The following PDE4D variants were observed in gnomAD, a reference collection of about 807,000 sequenced individuals.
PDE4D encodes 3',5'-cyclic-AMP phosphodiesterase 4D.
In PDE4D, 24 loss-of-function variants were observed where a neutral mutation model predicts 87.4. The observed-to-expected ratio is 0.27, with a 90% confidence interval of 0.20 to 0.39. PDE4D has a LOEUF of 0.39. PDE4D is among the 10% of genes least tolerant of loss of function. The probability of loss-of-function intolerance (pLI) is 1.00; values close to 1 mark genes in which losing one functional copy is unlikely to be tolerated. For synonymous variants in PDE4D, 384 were observed against 383.2 expected, an observed-to-expected ratio of 1.00 and a Z score of -0.02; for missense variants, 714 against 1,041.0, an observed-to-expected ratio of 0.69 and a Z score of 4.32.
chr5:59,334,316 T>C (rs1447198600), intron 1 of PDE4D, among the ~76,000 whole-genome samples: 1 of 139,544 alleles, frequency 7.2e-6, no homozygotes, highest in Non-Finnish European at 1.5e-5. Flanking sequence ...TGGAGTGCAA[T>C]GGCATGATCT....
intron 5 of PDE4D, among the ~76,000 whole-genome samples, chr5:59,061,863 A>G (rs1318667527): frequency 6.6e-6 from 1 of 152,130 alleles, no homozygotes; most frequent in South Asian, 2.1e-4. Flanking sequence ...TTTTTTTAAG[A>G]TAGCAAGTAT....
At chr5:60,222,443 G>A (rs904506614) in intron 1 of PDE4D, among the ~76,000 whole-genome samples, 2 of 152,076 alleles carry the variant, frequency 1.3e-5, no homozygotes, top group Non-Finnish European at 2.9e-5. Context: ...GAAATGATAC[G>A]TGTTTATTCT....
chr5:60,387,613 G>T (rs1272952737), intron 1 of PDE4D, among the ~76,000 whole-genome samples: 2 of 152,170 alleles, frequency 1.3e-5, no homozygotes, highest in African/African-American at 4.8e-5. Flanking sequence ...TGGGGACCTT[G>T]TTCTAGGGTT....
chr5:59,944,825 C>T (rs1480716860), intron 3 of PDE4D, among the ~76,000 whole-genome samples: 2 of 152,204 alleles, frequency 1.3e-5, no homozygotes, highest in East Asian at 3.9e-4. Flanking sequence ...TTCTCTTCTT[C>T]CTCTATACCT....
At chr5:59,438,336 A>G (rs1551564) in intron 1 of PDE4D, among the ~76,000 whole-genome samples, 59,616 of 151,902 alleles carry the variant, frequency 0.39, 14,078 homozygotes, top group African/African-American at 0.67. Context: ...CTCTGTCCTA[A>G]AGTGAATTCT....
chr5:59,351,285 C>CTTTG (rs1288760368), intron 1 of PDE4D, among the ~76,000 whole-genome samples: 4 of 152,106 alleles, frequency 2.6e-5, no homozygotes, highest in Non-Finnish European at 4.4e-5. Context: ...GGCTCTAGAG[C>CTTTG]CAAAGTTCTC....
intron 1 of PDE4D, among the ~76,000 whole-genome samples, chr5:60,269,757 G>T (rs1479115839): frequency 6.6e-6 from 1 of 152,072 alleles, no homozygotes; most frequent in African/African-American, 2.4e-5. Context: ...ATATTGATTT[G>T]CTTGGTTTAA....
chr5:60,179,782 A>T (rs1214952201), intron 2 of PDE4D, among the ~76,000 whole-genome samples: 1 of 152,076 alleles, frequency 6.6e-6, no homozygotes, highest in Non-Finnish European at 1.5e-5. Context: ...TTCAATAGTG[A>T]AAAAAAGCTA....
intron 2 of PDE4D, among the ~76,000 whole-genome samples, chr5:60,158,017 G>C (rs957118159): frequency 6.6e-6 from 1 of 151,260 alleles, no homozygotes; most frequent in Non-Finnish European, 1.5e-5. Context: ...ATTTCCCATG[G>C]AAAAAAATGG....
At chr5:60,098,435 G>T (rs1039622702) in intron 2 of PDE4D, among the ~76,000 whole-genome samples, 19 of 151,724 alleles carry the variant, frequency 1.3e-4, no homozygotes, top group Admixed American at 1.1e-3. Context: ...GTTTTCATTC[G>T]TGTATTTTTA....
At chr5:59,726,115 T>C (rs1756558361) in intron 1 of PDE4D, among the ~76,000 whole-genome samples, 1 of 151,604 alleles carries the variant, frequency 6.6e-6, no homozygotes, top group Non-Finnish European at 1.5e-5. Context: ...ATGTGTTTAA[T>C]TTTTTTTAAG....
intron 1 of PDE4D, among the ~76,000 whole-genome samples, chr5:59,421,817 G>A (rs1299467483): frequency 6.6e-6 from 1 of 151,762 alleles, no homozygotes; most frequent in African/African-American, 2.4e-5. Flanking sequence ...TCTCCAAAAG[G>A]GTACACATAT....
At chr5:59,319,511 C>G (rs1228000672) in intron 1 of PDE4D, among the ~76,000 whole-genome samples, 3 of 152,078 alleles carry the variant, frequency 2.0e-5, no homozygotes, top group Non-Finnish European at 2.9e-5. Context: ...CAGTAATTTT[C>G]CATTGATTGG....
intron 6 of PDE4D, among the ~76,000 whole-genome samples, chr5:58,994,871 G>C (rs967780034): frequency 5.3e-5 from 8 of 151,530 alleles, no homozygotes; most frequent in African/African-American, 1.7e-4. Context: ...CAAAGAACTC[G>C]TCATTTACAT....
At position 59,496,100 on chromosome 5, in the gene PDE4D, G is replaced by T. The variant is rs552094854; in HGVS notation, c.456-280132C>A. Among the ~76,000 whole-genome samples the T allele has an allele frequency of 2.0e-5, 3 of 152,244 alleles. No homozygotes were observed. In the East Asian group the frequency reaches 5.8e-4, roughly 30 times the overall value. ...TGAGTGGAAGTAGCTATCAGCAGAT[G>T]GGGGAGCCAGAAGGGAGATGGTTTC... On this transcript the variant is annotated intron_variant, in intron 1 of 14. Coordinates refer to ENST00000340635, the MANE Select transcript of PDE4D (RefSeq NM_001104631.2).
At chr5:59,008,796 T>C (rs1314534073) in intron 6 of PDE4D, among the ~76,000 whole-genome samples, 1 of 151,928 alleles carries the variant, frequency 6.6e-6, no homozygotes, top group Non-Finnish European at 1.5e-5. Flanking sequence ...GCCACAGACT[T>C]GAGAAGGGAA....
intron 1 of PDE4D, among the ~76,000 whole-genome samples, chr5:59,764,832 T>G (rs1030007617): frequency 1.3e-5 from 2 of 151,994 alleles, no homozygotes; most frequent in African/African-American, 4.8e-5. Context: ...ATTTTTTGTA[T>G]TTTTAGTAGA....
chr5:60,043,098 AT>A (rs1166238335), intron 2 of PDE4D, among the ~76,000 whole-genome samples: 4 of 151,942 alleles, frequency 2.6e-5, no homozygotes, highest in Admixed American at 2.6e-4. Context: ...AGAGAAGAAT[AT>A]AAACGACCTG....
intron 1 of PDE4D, among the ~76,000 whole-genome samples, chr5:59,825,990 C>A (rs1159056461): frequency 6.6e-6 from 1 of 152,142 alleles, no homozygotes. Flanking sequence ...TCTAAGCACA[C>A]CTTTACCCCA....
Sources: allele counts gnomAD v4.1 joint callset (sites outside exome capture counted in the v4.1 genomes callset), GRCh38; gene constraint gnomAD v4.1.1; transcripts MANE v1.5; gene names NCBI Gene and HGNC (gene_info 2026-07-23, HGNC 2026-07-21).